The following INTS10 variants were observed in gnomAD, a reference collection of about 807,000 sequenced individuals.
INTS10 encodes chromosome 8 open reading frame 35.
A neutral mutation model predicts 94.4 loss-of-function variants in INTS10; 44 were observed. That is an observed-to-expected ratio of 0.47 (90% CI 0.37 to 0.60). The LOEUF is 0.60. Among genes scored for constraint, INTS10 ranks in the 20% least tolerant of loss-of-function variants. INTS10 has a pLI of 0.00. For missense variants in INTS10, 797 were observed against 868.7 expected, an observed-to-expected ratio of 0.92 and a Z score of 1.04; for synonymous variants, 341 against 320.7, an observed-to-expected ratio of 1.06 and a Z score of -0.68.
At chr8:19,841,284 T>C (rs1212093237) in intron 13 of INTS10, among the ~76,000 whole-genome samples, 1 of 152,150 alleles carries the variant, frequency 6.6e-6, no homozygotes, top group Non-Finnish European at 1.5e-5. Context: ...TCCAAACTTT[T>C]AGAAGAAAAT....
rs938181201 is a variant in INTS10 at position 19,843,405 on chromosome 8, G to C, written c.1719+478G>C. 1.3e-5 allele frequency among the ~76,000 whole-genome samples: 2 copies of C among 152,174 alleles called. No individual in the cohort carries two copies. The highest frequency in any genetic ancestry group is 2.4e-5 in the African/African-American group (1 of 41,456). On this transcript the variant is annotated intron_variant, in intron 14 of 16. Transcript: ENST00000397977. This position sits in a 1 kb window ranked among gnomAD's most constrained non-coding sequence, Gnocchi z 4.7. ...AAGGCCCTTGGCTACAGGTAGAGCA[G>C]AGCCTTAGAGCAGGGAGGCTTCATT...
chr8:19,826,727 C>T (rs1231003809), intron 9 of INTS10, among the ~76,000 whole-genome samples, 168 bp downstream of exon 9: 1 of 152,048 alleles, frequency 6.6e-6, no homozygotes, highest in Non-Finnish European at 1.5e-5. Flanking sequence ...GTGATTTGCC[C>T]TCAGGGGACA....
intron 11 of INTS10, 105 bp from the exon 12 acceptor site, chr8:19,833,064 G>T: frequency 1.1e-6 from 1 of 926,210 alleles, no homozygotes; most frequent in Non-Finnish European, 1.6e-6. Flanking sequence ...TACCGTCTTT[G>T]TATAGTTGCT....
At position 19,845,451 on chromosome 8, in the gene INTS10, G is replaced by C; in HGVS notation, c.1883-253G>C. 6.3e-6 allele frequency: 3 copies of C among 477,946 alleles called. No individual in the cohort carries two copies. The South Asian group carries it at 8.2e-5, about 13-fold the overall frequency. The allele number at this position is 477,946 out of a possible 1,614,324, so 29.6% of individuals were successfully genotyped here. ...CTCATGCCAAGAGTTATCTGTGCGA[G>C]GGAGTTTAGTGGGTATAAGAATCAG... On this transcript the variant is annotated intron_variant, in intron 15 of 16. Coordinates refer to ENST00000397977, the MANE Select transcript of INTS10 (RefSeq NM_018142.4).
chr8:19,837,863 C>T (rs914247868), intron 13 of INTS10, among the ~76,000 whole-genome samples: 4 of 149,542 alleles, frequency 2.7e-5, no homozygotes, highest in Non-Finnish European at 4.4e-5. Context: ...CTAACAAGAT[C>T]GATAAGGAGG....
intron 4 of INTS10, 129 bp downstream of exon 4, chr8:19,820,647 A>G: frequency 1.4e-6 from 1 of 724,462 alleles, no homozygotes; most frequent in Non-Finnish European, 2.1e-6. Flanking sequence ...CTGAAATAGA[A>G]GGTTCTTTGT....
rs753978521 is a variant in INTS10 at position 19,844,072 on chromosome 8, G to T, written c.1720-4G>T. On this transcript the variant is annotated splice_polypyrimidine_tract_variant and splice_region_variant and intron_variant, in intron 14 of 16. Coordinates refer to ENST00000397977, the MANE Select transcript of INTS10 (RefSeq NM_018142.4). ...TCTGTCTTGTATAAATCTTTGTCTT[G>T]CAGCTTAGAGCTTTCACAGACAACA... 9.5e-6 allele frequency: 15 copies of T among 1,579,714 alleles called. No homozygotes were observed. The highest frequency in any genetic ancestry group is 1.1e-5 in the Non-Finnish European group (13 of 1,163,192).
At position 19,851,564 on chromosome 8, in the gene INTS10, G is replaced by A; in HGVS notation, c.1977-85G>A. ...TGAAATTATACTTAGATATGGGGCA[G>A]GCTTTATTCCTACCCAAGTAGCAGC... On this transcript the variant is annotated intron_variant, in intron 16 of 16. Coordinates refer to ENST00000397977, the MANE Select transcript of INTS10 (RefSeq NM_018142.4). The surrounding 1 kb of genome is among the most constrained non-coding windows in gnomAD (Gnocchi z 5.0). The A allele has an allele frequency of 8.1e-7, 1 of 1,235,214 alleles. No homozygotes were observed. 76.5% of individuals were successfully genotyped at this position (1,235,214 alleles called of 1,614,324 possible).
intron 10 of INTS10, among the ~76,000 whole-genome samples, 190 bp from the exon 11 acceptor site, chr8:19,831,838 G>T (rs1338723849): frequency 6.6e-6 from 1 of 152,228 alleles, no homozygotes; most frequent in Non-Finnish European, 1.5e-5. Flanking sequence ...AATATTGCTT[G>T]TGTATTACTG....
At position 19,831,283 on chromosome 8, in the gene INTS10, C is replaced by T. The variant is rs2067209456; in HGVS notation, c.1294+724C>T. 2.0e-5 allele frequency among the ~76,000 whole-genome samples: 3 copies of T among 152,148 alleles called. No individual in the cohort carries two copies. In the South Asian group the frequency reaches 6.2e-4, roughly 32 times the overall value. ...TCTTTGTTACATTTGGGATTGTGAACACATATGTGACAATTTTGGAGGGGA... is the reference window on the plus strand; with the variant it reads ...TCTTTGTTACATTTGGGATTGTGAATACATATGTGACAATTTTGGAGGGGA... On this transcript the variant is annotated intron_variant, in intron 10 of 16. Transcript: ENST00000397977.
chr8:19,827,950 G>A (rs2066930292), intron 9 of INTS10, among the ~76,000 whole-genome samples: 1 of 152,036 alleles, frequency 6.6e-6, no homozygotes, highest in Non-Finnish European at 1.5e-5. Context: ...AGTGGCTCAT[G>A]CCTGTAATCC....
At chr8:19,839,343 A>G (rs1053993538) in intron 13 of INTS10, among the ~76,000 whole-genome samples, 2 of 152,192 alleles carry the variant, frequency 1.3e-5, no homozygotes, top group East Asian at 3.9e-4. Flanking sequence ...TCTAGGCAGT[A>G]CAGCAGGCAA....
At chr8:19,845,205 C>T (rs1049231538) in intron 15 of INTS10, among the ~76,000 whole-genome samples, 2 of 152,140 alleles carry the variant, frequency 1.3e-5, no homozygotes, top group Non-Finnish European at 2.9e-5. Flanking sequence ...GAAGCTTCCT[C>T]CTCTGATGCA....
intron 12 of INTS10, among the ~76,000 whole-genome samples, chr8:19,833,948 A>T (rs897522887): frequency 2.0e-4 from 30 of 151,554 alleles, no homozygotes; most frequent in Non-Finnish European, 1.2e-4. Flanking sequence ...TGGAGGTTGC[A>T]GTGAGCCAAG....
intron 12 of INTS10, 97 bp from the exon 13 acceptor site, chr8:19,836,955 A>C: frequency 1.3e-6 from 1 of 767,088 alleles, no homozygotes; most frequent in Non-Finnish European, 2.4e-6. Context: ...TTCCATGTAC[A>C]CATTGCCTGA....
intron 5 of INTS10, 27 bp downstream of exon 5, chr8:19,822,547 T>C (rs1403942029): frequency 2.2e-6 from 3 of 1,361,460 alleles, no homozygotes; most frequent in African/African-American, 2.9e-5. Context: ...TCTCTATTAC[T>C]TCTATGGTAA....
At chr8:19,818,487 G>A in intron 2 of INTS10, 145 bp downstream of exon 2, 1 of 713,910 alleles carries the variant, frequency 1.4e-6, no homozygotes, top group Non-Finnish European at 2.4e-6. Context: ...AGGAGTCCAG[G>A]CCTGCCATAA....
Position 19,829,262 on chromosome 8 carries a change from A to G in INTS10, c.1141-1144A>G, listed in dbSNP as rs80237338. 6.4e-4 allele frequency among the ~76,000 whole-genome samples: 97 copies of G among 152,324 alleles called. No homozygotes were observed. The East Asian group carries it at 0.017, about 27-fold the overall frequency. ...TAGTGGAGTAAAGATCTGCAGGAAG[A>G]ATTTCATTTGGGTTATTAAATCAGT... On this transcript the variant is annotated intron_variant, in intron 9 of 16. Transcript: ENST00000397977.
intron 4 of INTS10, 134 bp downstream of exon 4, chr8:19,820,652 CTT>C: frequency 2.9e-6 from 2 of 682,880 alleles, no homozygotes; most frequent in South Asian, 7.2e-5. Context: ...ATAGAAGGTT[CTT>C]TGTTAGTAAA....
Sources: allele counts gnomAD v4.1 joint callset (sites outside exome capture counted in the v4.1 genomes callset), GRCh38; gene constraint gnomAD v4.1.1; non-coding constraint Gnocchi (gnomAD v3.1); transcripts MANE v1.5; gene names NCBI Gene and HGNC (gene_info 2026-07-23, HGNC 2026-07-21).